CNGB3: variants seen among roughly 807,000 people sequenced by gnomAD.
CNGB3 encodes the protein cyclic nucleotide-gated channel beta-3.
In CNGB3, 86 loss-of-function variants were observed where a neutral mutation model predicts 92.8. The observed-to-expected ratio is 0.93, with a 90% CI of 0.78 to 1.11. CNGB3 has a LOEUF of 1.11. Ranked by LOEUF, CNGB3 falls within the 50% of genes least tolerant of loss-of-function variation. CNGB3 has a pLI of 0.00. For synonymous variants in CNGB3, 333 were observed against 332.7 expected (o/e 1.00, Z -0.01); for missense variants, 1,026 against 956.8 (o/e 1.07, Z -0.95).
intron 15 of CNGB3, among the ~76,000 whole-genome samples, chr8:86,601,061 A>C (rs1406997996): frequency 2.0e-5 from 3 of 152,100 alleles, no homozygotes; most frequent in Non-Finnish European, 4.4e-5. Context: ...AAGAGTAACT[A>C]GTTGTTTTAG....
intron 3 of CNGB3, among the ~76,000 whole-genome samples, chr8:86,694,231 C>G (rs1490087823): frequency 7.4e-5 from 11 of 148,350 alleles, no homozygotes; most frequent in Admixed American, 1.3e-4. Flanking sequence ...GGGGCTGACC[C>G]CCCCACCTCC....
chr8:86,586,100 A>G (rs1821884339), intron 15 of CNGB3, among the ~76,000 whole-genome samples: 1 of 152,168 alleles, frequency 6.6e-6, no homozygotes, highest in Non-Finnish European at 1.5e-5. Context: ...TAAAGAATTC[A>G]CTGTATAAAT....
intron 3 of CNGB3, among the ~76,000 whole-genome samples, chr8:86,713,987 C>T (rs1388963446): frequency 6.6e-6 from 1 of 152,122 alleles, no homozygotes; most frequent in East Asian, 1.9e-4. Context: ...AGAGTGGTAC[C>T]TTTGTGACAA....
intron 2 of CNGB3, among the ~76,000 whole-genome samples, chr8:86,734,326 G>C (rs1825209005): frequency 6.6e-6 from 1 of 152,098 alleles, no homozygotes; most frequent in Non-Finnish European, 1.5e-5. Context: ...TGCTAGACTT[G>C]GAACCTAGGG....
At chr8:86,676,003 G>A (rs1323818470) in intron 3 of CNGB3, among the ~76,000 whole-genome samples, 3 of 152,188 alleles carry the variant, frequency 2.0e-5, no homozygotes, top group Admixed American at 6.5e-5. Flanking sequence ...GTGGGGTTGC[G>A]GGGAAGTCCA....
At chr8:86,743,219 T>C (rs924239291) in intron 1 of CNGB3, among the ~76,000 whole-genome samples, 1 of 152,258 alleles carries the variant, frequency 6.6e-6, no homozygotes, top group Admixed American at 6.5e-5. Flanking sequence ...ATTTGAGAAA[T>C]GGTTTCATTT....
At chr8:86,723,699 A>C (rs2131669387) in intron 3 of CNGB3, among the ~76,000 whole-genome samples, 1 of 152,282 alleles carries the variant, frequency 6.6e-6, no homozygotes, top group South Asian at 2.1e-4. Flanking sequence ...TTGTTCCTTC[A>C]GTGCAGCTGG....
chr8:86,689,259 T>C (rs1336737202), intron 3 of CNGB3, among the ~76,000 whole-genome samples: 2 of 151,934 alleles, frequency 1.3e-5, no homozygotes, highest in East Asian at 3.9e-4. Context: ...CTGTAGCCAT[T>C]GGATGAACTG....
chr8:86,715,299 C>T (rs73274889), intron 3 of CNGB3, among the ~76,000 whole-genome samples: 8,889 of 152,152 alleles, frequency 0.058, 336 homozygotes, highest in East Asian at 0.13. Context: ...CACTTCATTC[C>T]CCTGCTATCT....
At chr8:86,654,149 G>T in intron 6 of CNGB3, 87 bp from the exon 7 acceptor site, 1 of 903,108 alleles carries the variant, frequency 1.1e-6, no homozygotes, top group African/African-American at 1.6e-5. Context: ...GTTTCTCTTG[G>T]TTGGTTCCTT....
intron 6 of CNGB3, among the ~76,000 whole-genome samples, chr8:86,664,229 A>G (rs944719051): frequency 6.6e-6 from 1 of 152,242 alleles, no homozygotes; most frequent in African/African-American, 2.4e-5. Flanking sequence ...TATAGAAAAC[A>G]CTTCCCAGAA....
chr8:86,653,146 C>T (rs1192408356), intron 7 of CNGB3, among the ~76,000 whole-genome samples: 1 of 152,038 alleles, frequency 6.6e-6, no homozygotes, highest in African/African-American at 2.4e-5. Flanking sequence ...TATGCTAACA[C>T]ATATTAAATA....
chr8:86,715,887 A>G (rs1824844347), intron 3 of CNGB3, among the ~76,000 whole-genome samples: 2 of 151,062 alleles, frequency 1.3e-5, no homozygotes, highest in Non-Finnish European at 3.0e-5. Flanking sequence ...ATGACAAGTT[A>G]ATGGGTGCAG....
At chr8:86,630,242 T>C (rs1822934198) in intron 11 of CNGB3, among the ~76,000 whole-genome samples, 1 of 152,114 alleles carries the variant, frequency 6.6e-6, no homozygotes. Context: ...ATGCTGTTCT[T>C]GGCTGATAAC....
intron 15 of CNGB3, among the ~76,000 whole-genome samples, chr8:86,591,899 C>T (rs1822048148): frequency 6.6e-6 from 1 of 152,218 alleles, no homozygotes; most frequent in Non-Finnish European, 1.5e-5. Flanking sequence ...CTTTGTTTAC[C>T]TAAGCAAGCC....
intron 15 of CNGB3, among the ~76,000 whole-genome samples, chr8:86,602,244 T>A (rs935025699): frequency 7.2e-5 from 11 of 152,196 alleles, no homozygotes; most frequent in African/African-American, 2.7e-4. Context: ...TTCTGAGAAG[T>A]GTTTCCACCA....
chr8:86,628,790 G>T, intron 12 of CNGB3, 129 bp downstream of exon 12: 1 of 961,500 alleles, frequency 1.0e-6, no homozygotes, highest in Non-Finnish European at 1.6e-6. Flanking sequence ...AGCATTAAAC[G>T]AATGCTTTAA....
intron 15 of CNGB3, among the ~76,000 whole-genome samples, chr8:86,592,082 G>A (rs140959294): frequency 0.013 from 2,049 of 152,308 alleles, 47 homozygotes; most frequent in African/African-American, 0.045. Context: ...CGCAGTATTC[G>A]GGTGGGAGTG....
intron 3 of CNGB3, among the ~76,000 whole-genome samples, chr8:86,724,985 T>C (rs77531017): frequency 6.6e-6 from 1 of 152,116 alleles, no homozygotes; most frequent in Non-Finnish European, 1.5e-5. Context: ...TTTTTTGTTT[T>C]TGAGCTATGC....
Sources: gnomAD v4.1 joint callset for allele counts (sites outside exome capture counted in the v4.1 genomes callset) on GRCh38, gnomAD v4.1.1 for gene constraint, MANE v1.5 for transcripts, NCBI Gene and HGNC (gene_info 2026-07-23, HGNC 2026-07-21) for gene names.